Variants in OSBPL1A observed in about 807,000 individuals in gnomAD.
The protein encoded by OSBPL1A is oxysterol binding protein like 1A.
A neutral mutation model predicts 137.1 loss-of-function variants in OSBPL1A; 80 were observed. The ratio of observed to expected loss-of-function variants is 0.58; its 90% CI spans 0.49 to 0.70. OSBPL1A has a LOEUF of 0.70. OSBPL1A is among the 30% of genes least tolerant of loss of function. OSBPL1A has a pLI of 0.00. For synonymous variants in OSBPL1A, 365 were observed against 389.7 expected, an observed-to-expected ratio of 0.94 and a Z score of 0.75; for missense variants, 970 against 1,129.4, an observed-to-expected ratio of 0.86 and a Z score of 2.02.
At chr18:24,266,827 G>A (rs986401354) in intron 15 of OSBPL1A, among the ~76,000 whole-genome samples, 7 of 151,982 alleles carry the variant, frequency 4.6e-5, no homozygotes, top group Admixed American at 3.3e-4. Context: ...CTAGAACTAC[G>A]AAATATACAA....
intron 4 of OSBPL1A, among the ~76,000 whole-genome samples, chr18:24,345,329 A>G (rs1254996310): frequency 6.6e-6 from 1 of 152,200 alleles, no homozygotes; most frequent in Non-Finnish European, 1.5e-5. Flanking sequence ...GACCTTTGGA[A>G]AAAAATTAAG....
intron 14 of OSBPL1A, among the ~76,000 whole-genome samples, chr18:24,284,503 C>A (rs2090030389): frequency 6.6e-6 from 1 of 152,132 alleles, no homozygotes; most frequent in Non-Finnish European, 1.5e-5. Flanking sequence ...CACAATCTGT[C>A]ATTTTTCATG....
intron 4 of OSBPL1A, chr18:24,357,646 C>T (rs1482309284): frequency 6.6e-6 from 1 of 152,026 alleles, no homozygotes; most frequent in Non-Finnish European, 1.5e-5. Context: ...ATTTAATTTC[C>T]TTTCATAACA....
At chr18:24,315,465 G>A (rs546220413) in intron 11 of OSBPL1A, among the ~76,000 whole-genome samples, 261 of 150,758 alleles carry the variant, frequency 1.7e-3, no homozygotes, top group African/African-American at 5.9e-3. Flanking sequence ...AATCCAAACC[G>A]AACCAAGAAA....
At position 24,368,320 on chromosome 18, in the gene OSBPL1A, A is replaced by C. The variant is rs771920886; in HGVS notation, c.174T>G (p.Phe58Leu). 3.1e-6 allele frequency: 5 copies of C among 1,613,460 alleles called. No individual in the cohort carries two copies. The highest frequency in any genetic ancestry group is 4.2e-6 in the Non-Finnish European group (5 of 1,179,626). ...GATCCTGGACCACTTGTCTGTGTCC[A>C]AAATAGCATGCCAGATGTAGAGGTG... ...GWTPLHLACY[F>L]GHRQVVQDLL... Residue 58 changes from phenylalanine (F) to leucine (L), a missense_variant, in exon 3 of 28, where the codon TTT (phenylalanine) becomes TTG (leucine). This residue lies in a region of OSBPL1A where 647 missense variants were observed against 672.6 expected (regional missense o/e 0.96). Transcript: ENST00000319481.
chr18:24,311,636 G>A, intron 13 of OSBPL1A: 1 of 402,580 alleles, frequency 2.5e-6, no homozygotes. Flanking sequence ...GAAATGTGCA[G>A]TGAAGTCATA....
chr18:24,352,763 A>C (rs1429993980), intron 4 of OSBPL1A, among the ~76,000 whole-genome samples: 1 of 152,204 alleles, frequency 6.6e-6, no homozygotes, highest in Non-Finnish European at 1.5e-5. Context: ...ATAATGCTGC[A>C]TATCTACAAC....
intron 5 of OSBPL1A, among the ~76,000 whole-genome samples, chr18:24,338,770 C>A (rs1038860117): frequency 6.6e-6 from 1 of 152,116 alleles, no homozygotes; most frequent in Non-Finnish European, 1.5e-5. Flanking sequence ...CTGGACCACA[C>A]TGGCACAATC....
chr18:24,194,789 C>T (rs1182232132), intron 18 of OSBPL1A, among the ~76,000 whole-genome samples: 3 of 152,182 alleles, frequency 2.0e-5, no homozygotes, highest in African/African-American at 4.8e-5. Flanking sequence ...ATGCTACTCA[C>T]GTAGGAACTG....
chr18:24,394,755 A>C (rs936209917), intron 1 of OSBPL1A, among the ~76,000 whole-genome samples: 4 of 152,248 alleles, frequency 2.6e-5, no homozygotes, highest in African/African-American at 9.6e-5. Flanking sequence ...GAAAAACTTT[A>C]AACACAAAGT....
At chr18:24,353,991 A>T (rs1478759407) in intron 4 of OSBPL1A, among the ~76,000 whole-genome samples, 1 of 151,884 alleles carries the variant, frequency 6.6e-6, no homozygotes, top group Non-Finnish European at 1.5e-5. Context: ...TGGGTGCAGC[A>T]CACCAACATG....
chr18:24,282,499 T>A (rs2089980319), intron 14 of OSBPL1A, among the ~76,000 whole-genome samples: 1 of 152,164 alleles, frequency 6.6e-6, no homozygotes, highest in African/African-American at 2.4e-5. Flanking sequence ...GTAGTATCAG[T>A]ATCTGCCCTG....
intron 20 of OSBPL1A, among the ~76,000 whole-genome samples, chr18:24,178,439 G>A (rs576583913): frequency 1.3e-5 from 2 of 150,104 alleles, no homozygotes; most frequent in South Asian, 4.3e-4. Flanking sequence ...TTACAGGCAT[G>A]CACCACCACA....
At chr18:24,248,325 C>T (rs1307687321) in intron 15 of OSBPL1A, among the ~76,000 whole-genome samples, 3 of 152,136 alleles carry the variant, frequency 2.0e-5, no homozygotes, top group Non-Finnish European at 2.9e-5. Context: ...AGAAATGAAA[C>T]GAGTCTCAAG....
intron 18 of OSBPL1A, among the ~76,000 whole-genome samples, chr18:24,193,739 C>T (rs1026513812): frequency 2.6e-5 from 4 of 152,150 alleles, no homozygotes; most frequent in African/African-American, 4.8e-5. Flanking sequence ...TCCAAAAACA[C>T]GACTTCCCCT....
In OSBPL1A at chr18:24,271,979, CGCGGGCGGGCGGCGGCAAGGCCTGCG is replaced by C; in HGVS notation, c.1281+8837_1281+8862del. ...CGCCCTCCGGGGCTCGCGGGGAGAG[CGCGGGCGGGCGGCGGCAAGGCCTGCG>C]GCGGGCGGCTCCCTGCGCGCGGCGG... On this transcript the variant is annotated intron_variant, in intron 15 of 27. Coordinates refer to ENST00000319481, the MANE Select transcript of OSBPL1A (RefSeq NM_080597.4). This position sits in a 1 kb window ranked among gnomAD's most constrained non-coding sequence, Gnocchi z 4.0. 1.1e-5 allele frequency: 11 copies of C among 981,852 alleles called. No homozygotes were observed. Among genetic ancestry groups the C allele is most frequent in the Non-Finnish European group, 1.3e-5 (11 of 828,692 alleles). 60.8% of individuals were successfully genotyped at this position (981,852 alleles called of 1,614,324 possible). A position where few individuals can be genotyped will look rare whatever the true frequency, so the allele number is the denominator to read the frequency against.
chr18:24,330,485 CT>C (rs543591621), intron 7 of OSBPL1A, among the ~76,000 whole-genome samples: 1,671 of 142,438 alleles, frequency 0.012, 11 homozygotes, highest in African/African-American at 0.03. Flanking sequence ...AGAGATAAAA[CT>C]TTTTTTTTTT....
At chr18:24,363,973 G>A (rs904972056) in intron 4 of OSBPL1A, among the ~76,000 whole-genome samples, 2 of 149,698 alleles carry the variant, frequency 1.3e-5, no homozygotes, top group African/African-American at 2.5e-5. Flanking sequence ...TGATTACAAT[G>A]GGCCCACCGA....
At position 24,336,806 on chromosome 18, in the gene OSBPL1A, A is replaced by G. The variant is rs150763598; in HGVS notation, c.395-2476T>C. Among the ~76,000 whole-genome samples the G allele has an allele frequency of 7.9e-3, 1,201 of 152,302 alleles. 8 individuals are homozygous for G. The highest frequency in any genetic ancestry group is 0.012 in the Non-Finnish European group (843 of 68,030). On this transcript the variant is annotated intron_variant, in intron 5 of 27. Transcript: ENST00000319481. ...AAATGCAGGAGAGCACCTGGAAAATATATTTCATTCATGATAGCAAAACAT... is the reference window on the plus strand; with the variant it reads ...AAATGCAGGAGAGCACCTGGAAAATGTATTTCATTCATGATAGCAAAACAT...
Sources: allele counts gnomAD v4.1 joint callset (sites outside exome capture counted in the v4.1 genomes callset), GRCh38; gene constraint gnomAD v4.1.1; regional missense constraint gnomAD v4.1.1; non-coding constraint Gnocchi (gnomAD v3.1); transcripts MANE v1.5; gene names NCBI Gene and HGNC (gene_info 2026-07-23, HGNC 2026-07-21).